SUGCT: variants seen among roughly 807,000 people sequenced by gnomAD.
SUGCT encodes succinyl-CoA:glutarate-CoA transferase, also known as succinyl-CoA:glutarate CoA-transferase.
A neutral mutation model predicts 55.0 loss-of-function variants in SUGCT; 41 were observed. The observed-to-expected ratio is 0.74, with a 90% CI of 0.58 to 0.97. The LOEUF (loss-of-function observed/expected upper bound fraction) is 0.97, where lower values mean the gene tolerates loss of function less well. Among genes scored for constraint, SUGCT ranks in the 50% least tolerant of loss-of-function variants. SUGCT has a pLI of 0.00. For missense variants in SUGCT, 568 were observed against 547.8 expected, an observed-to-expected ratio of 1.04 and a Z score of -0.37; for synonymous variants, 187 against 200.4, an observed-to-expected ratio of 0.93 and a Z score of 0.56.
At chr7:40,371,771 A>T (rs1784305256) in intron 9 of SUGCT, among the ~76,000 whole-genome samples, 1 of 152,028 alleles carries the variant, frequency 6.6e-6, no homozygotes, top group Non-Finnish European at 1.5e-5. Flanking sequence ...TATTGTTCTG[A>T]TCTTCGAAAA....
intron 12 of SUGCT, among the ~76,000 whole-genome samples, chr7:40,713,047 C>T (rs2128673806): frequency 6.6e-6 from 1 of 152,296 alleles, no homozygotes; most frequent in African/African-American, 2.4e-5. Context: ...CACTTCAATT[C>T]AGAGGTCTTT....
rs1438702339 is a variant in SUGCT, at chr7:40,679,249, GT to G, written c.1090-70182del. ...TATGCTGAAGAACAAGGCCCCTAGT[GT>G]TTATCAATCTTGAAGATAGCTGAAA... is the stretch of plus-strand genomic sequence containing the variant. On this transcript the variant is annotated intron_variant, in intron 12 of 13. Coordinates refer to ENST00000335693, the MANE Select transcript of SUGCT (RefSeq NM_001193313.2). Among the ~76,000 whole-genome samples, 3 of 152,176 alleles carry G rather than the reference GT, an allele frequency of 2.0e-5. No individual in the cohort carries two copies. The East Asian group carries it at 5.8e-4, about 29-fold the overall frequency.
intron 13 of SUGCT, among the ~76,000 whole-genome samples, chr7:40,766,815 T>C (rs1385174369): frequency 6.6e-6 from 1 of 152,222 alleles, no homozygotes; most frequent in Non-Finnish European, 1.5e-5. Context: ...TATTTTGAAA[T>C]TCCAAGTCAA....
intron 12 of SUGCT, among the ~76,000 whole-genome samples, chr7:40,660,989 C>T (rs1022701148): frequency 2.0e-5 from 3 of 152,046 alleles, no homozygotes; most frequent in East Asian, 1.9e-4. Context: ...GTCTACTTGG[C>T]GCCACACCTG....
intron 9 of SUGCT, among the ~76,000 whole-genome samples, chr7:40,332,674 A>G (rs559464442): frequency 3.9e-5 from 6 of 152,140 alleles, no homozygotes; most frequent in African/African-American, 1.4e-4. Context: ...AGACTGCAAA[A>G]GAATCTGAGG....
chr7:40,226,672 T>C (rs1047841370), intron 6 of SUGCT, among the ~76,000 whole-genome samples: 2 of 152,100 alleles, frequency 1.3e-5, no homozygotes, highest in Non-Finnish European at 2.9e-5. Context: ...CTTGGCTTCA[T>C]GACTTTGGCC....
At chr7:40,239,317 G>A (rs1022652832) in intron 7 of SUGCT, among the ~76,000 whole-genome samples, 24 of 152,006 alleles carry the variant, frequency 1.6e-4, no homozygotes, top group Admixed American at 8.5e-4. Flanking sequence ...CTGGACTCAC[G>A]ACATCTTGGC....
At chr7:40,938,324 CCTT>C in the SUGCT span, among the ~76,000 whole-genome samples, 1 of 150,512 alleles carries the variant, frequency 6.6e-6, no homozygotes, top group African/African-American at 2.4e-5. Context: ...TTCGTTACTG[CCTT>C]CTTTTGTGTT....
intron 12 of SUGCT, among the ~76,000 whole-genome samples, chr7:40,616,417 A>G (rs1472526409): frequency 2.0e-5 from 3 of 152,182 alleles, no homozygotes; most frequent in Non-Finnish European, 4.4e-5. Flanking sequence ...GCTGACCGCA[A>G]GTGATCTACC....
chr7:40,360,215 T>C (rs867178075), intron 9 of SUGCT, among the ~76,000 whole-genome samples: 1 of 152,214 alleles, frequency 6.6e-6, no homozygotes, highest in Admixed American at 6.5e-5. Context: ...GGTTTTGCCA[T>C]GTTGCCCAGG....
intron 12 of SUGCT, chr7:40,684,223 C>T (rs1344298068): frequency 6.8e-7 from 1 of 1,472,616 alleles, no homozygotes; most frequent in African/African-American, 1.4e-5. Flanking sequence ...GGTTTGTGAC[C>T]TTAATTACAT....
At chr7:40,724,940 G>A (rs757845298) in intron 12 of SUGCT, among the ~76,000 whole-genome samples, 16 of 152,148 alleles carry the variant, frequency 1.1e-4, no homozygotes, top group Non-Finnish European at 1.9e-4. Context: ...GGACTTTGAT[G>A]CATTTGCCAG....
rs56989808 is a variant in SUGCT at position 40,316,955 on chromosome 7, G to GTTTTTTTTTTT, written c.816+108_816+118dup. 448 of 189,226 alleles carry GTTTTTTTTTTT rather than the reference G, an allele frequency of 2.4e-3. 13 individuals carry two copies. Among genetic ancestry groups the GTTTTTTTTTTT allele is most frequent in the East Asian group, 3.5e-3 (42 of 12,094 alleles). The allele number at this position is 189,226 out of a possible 1,614,324, so 11.7% of individuals were successfully genotyped here. A position where few individuals can be genotyped will look rare whatever the true frequency, so the allele number is the denominator to read the frequency against. On this transcript the variant is annotated intron_variant, in intron 9 of 13. Coordinates refer to ENST00000335693, the MANE Select transcript of SUGCT (RefSeq NM_001193313.2). Reference sequence around the variant, plus strand: ...CTTTTTATACACAAATCCTTCAGCTGTTTTTTTTTTTTTTTTTTGTAATGT... The same window carrying GTTTTTTTTTTT: ...CTTTTTATACACAAATCCTTCAGCTGTTTTTTTTTTTTTTTTTTTTTTTTTTTTTGTAATGT...
At chr7:40,614,675 T>C (rs1798911685) in intron 12 of SUGCT, among the ~76,000 whole-genome samples, 1 of 152,220 alleles carries the variant, frequency 6.6e-6, no homozygotes, top group Non-Finnish European at 1.5e-5. Flanking sequence ...GTTTTTCTCC[T>C]GTATTGAAAA....
chr7:40,846,882 T>C (rs921963549), intron 13 of SUGCT, among the ~76,000 whole-genome samples: 4 of 152,192 alleles, frequency 2.6e-5, no homozygotes, highest in African/African-American at 9.7e-5. Context: ...ACTTTCTTCA[T>C]TGAGAAAATG....
At chr7:40,792,583 G>C (rs1013352207) in intron 13 of SUGCT, among the ~76,000 whole-genome samples, 8 of 152,128 alleles carry the variant, frequency 5.3e-5, no homozygotes, top group Admixed American at 5.2e-4. Context: ...TCTGGTCCAT[G>C]TGACAATGGT....
At chr7:40,194,858 G>A in intron 5 of SUGCT, 82 bp from the exon 6 acceptor site, 3 of 1,464,994 alleles carry the variant, frequency 2.0e-6, no homozygotes, top group Non-Finnish European at 2.7e-6. Flanking sequence ...TACAAAGGGA[G>A]AATCAATTGT....
intron 12 of SUGCT, among the ~76,000 whole-genome samples, chr7:40,730,970 AT>A (rs1225063960): frequency 1.3e-5 from 2 of 152,214 alleles, no homozygotes; most frequent in African/African-American, 2.4e-5. Flanking sequence ...GCTTCAATGA[AT>A]GGACAAGTAA....
At chr7:40,337,516 C>G (rs1485245880) in intron 9 of SUGCT, among the ~76,000 whole-genome samples, 1 of 152,108 alleles carries the variant, frequency 6.6e-6, no homozygotes, top group Non-Finnish European at 1.5e-5. Flanking sequence ...CTTTCTTTGT[C>G]TCTTTTGATC....
Sources: allele counts gnomAD v4.1 joint callset (sites outside exome capture counted in the v4.1 genomes callset), GRCh38; gene constraint gnomAD v4.1.1; transcripts MANE v1.5; gene names NCBI Gene and HGNC (gene_info 2026-07-23, HGNC 2026-07-21).